The following WDR41 variants were observed in gnomAD, a reference collection of about 807,000 sequenced individuals.
WDR41 encodes WD repeat-containing protein 41.
Under a neutral mutation model 69.3 loss-of-function variants are expected in WDR41, and 63 were observed. The observed-to-expected ratio is 0.91, with a 90% CI of 0.74 to 1.12. WDR41 has a LOEUF of 1.12. Ranked by LOEUF, WDR41 falls within the 50% of genes most tolerant of loss-of-function variation. WDR41 has a pLI of 0.00. For synonymous variants in WDR41, 185 were observed against 192.1 expected, an observed-to-expected ratio of 0.96 and a Z score of 0.31; for missense variants, 543 against 534.5, an observed-to-expected ratio of 1.02 and a Z score of -0.16.
chr5:77,581,500 A>G (rs182163266), intron 1 of WDR41, among the ~76,000 whole-genome samples: 11 of 152,218 alleles, frequency 7.2e-5, no homozygotes, highest in Non-Finnish European at 8.8e-5. Flanking sequence ...CTATAAACCA[A>G]CTACACATAA....
chr5:77,586,721 CTTT>C (rs763627760), intron 1 of WDR41, among the ~76,000 whole-genome samples: 1 of 130,108 alleles, frequency 7.7e-6, no homozygotes, highest in Non-Finnish European at 1.6e-5. Context: ...ATTATCTAAA[CTTT>C]TTTTTTTTTT....
intron 2 of WDR41, among the ~76,000 whole-genome samples, chr5:77,487,336 C>T (rs1280124135): frequency 1.3e-5 from 2 of 152,170 alleles, no homozygotes; most frequent in African/African-American, 4.8e-5. Context: ...TGTCCAAAAT[C>T]TTACCTTTCC....
At position 77,432,343 on chromosome 5, in the gene WDR41, A is replaced by T. The variant is rs1422539431; in HGVS notation, c.*792T>A. On this transcript the variant is annotated 3_prime_UTR_variant, in exon 13 of 13. Transcript: ENST00000296679. ...ATGGACACTGCAAAGAACTACATAA[A>T]AGAAGTCTGTCTCAAGCAGTTCGTA... 2.0e-5 allele frequency: 3 copies of T among 152,392 alleles called. No homozygotes were observed. Among genetic ancestry groups the T allele is most frequent in the Admixed American group, 2.0e-4 (3 of 15,276 alleles). 9.4% of individuals were successfully genotyped at this position (152,392 alleles called of 1,614,324 possible). A position where few individuals can be genotyped will look rare whatever the true frequency, so the allele number is the denominator to read the frequency against.
At chr5:77,565,070 CTCATATCCTAGATGCAG>C (rs1053536246) in intron 1 of WDR41, among the ~76,000 whole-genome samples, 1 of 151,974 alleles carries the variant, frequency 6.6e-6, no homozygotes, top group Non-Finnish European at 1.5e-5. Context: ...CTCAGTACTT[CTCATATCCTAGATGCAG>C]AGCACAATAA....
intron 1 of WDR41, among the ~76,000 whole-genome samples, chr5:77,504,196 A>G (rs1285397006): frequency 6.6e-6 from 1 of 152,198 alleles, no homozygotes; most frequent in African/African-American, 2.4e-5. Flanking sequence ...TAAAGGGGAT[A>G]TCACCACTGA....
At chr5:77,620,556 G>T (rs1341288839) in exon 1 of WDR41, 3 of 455,490 alleles carry the variant, frequency 6.6e-6, no homozygotes, top group African/African-American at 2.0e-5. Context: ...ATACTTCCTG[G>T]TCTGTGTACC....
At chr5:77,588,578 A>G (rs572988228) in intron 1 of WDR41, among the ~76,000 whole-genome samples, 78 of 152,278 alleles carry the variant, frequency 5.1e-4, no homozygotes, top group African/African-American at 1.8e-3. Context: ...TCAATTATCA[A>G]TCTATTTCTG....
chr5:77,609,367 G>A (rs1296906581), intron 1 of WDR41, among the ~76,000 whole-genome samples: 4 of 152,146 alleles, frequency 2.6e-5, no homozygotes, highest in African/African-American at 4.8e-5. Context: ...GTGGGTCCCC[G>A]ACCCCTGACC....
chr5:77,491,189 T>C, intron 1 of WDR41: 2 of 410,218 alleles, frequency 4.9e-6, no homozygotes, highest in East Asian at 9.4e-5. Context: ...AGTGATGACA[T>C]TACCTTGTAA....
rs559250835 is a variant in WDR41, at chr5:77,595,575, C to T, written c.42+24904G>A. The stretch of plus-strand genomic sequence containing the variant: ...TCAGCTTGAGATAAACATTTTGTCC[C>T]GCATTTCCACTATTGTAAGTGGTTA... On this transcript the variant is annotated intron_variant, in intron 1 of 5. Transcript: ENST00000509971. Among the ~76,000 whole-genome samples the T allele has an allele frequency of 2.0e-5, 3 of 150,902 alleles. No individual in the cohort carries two copies. In the Admixed American group the frequency reaches 2.0e-4, roughly 10 times the overall value.
chr5:77,476,083 T>C (rs370041048), intron 2 of WDR41, among the ~76,000 whole-genome samples: 2 of 150,560 alleles, frequency 1.3e-5, no homozygotes, highest in Admixed American at 6.7e-5. Context: ...CGATGGAAGA[T>C]GAAATGAATG....
At chr5:77,478,106 C>T (rs1801037160) in intron 2 of WDR41, among the ~76,000 whole-genome samples, 2 of 152,000 alleles carry the variant, frequency 1.3e-5, no homozygotes, top group African/African-American at 4.8e-5. Flanking sequence ...ACACATACAC[C>T]CTCCCAAGAC....
intron 1 of WDR41, among the ~76,000 whole-genome samples, chr5:77,601,493 T>C (rs934662669): frequency 3.3e-5 from 5 of 152,210 alleles, no homozygotes; most frequent in African/African-American, 1.2e-4. Context: ...ATTTTAAATG[T>C]ATTGTTTATA....
chr5:77,576,355 A>T (rs1485442918), intron 1 of WDR41, among the ~76,000 whole-genome samples: 1 of 151,702 alleles, frequency 6.6e-6, no homozygotes, highest in Non-Finnish European at 1.5e-5. Flanking sequence ...GCTTCCTTTC[A>T]CATTAAGTTC....
intron 8 of WDR41, among the ~76,000 whole-genome samples, chr5:77,448,455 G>C (rs562730527): frequency 5.9e-5 from 9 of 152,252 alleles, no homozygotes; most frequent in African/African-American, 2.2e-4. Context: ...TTTGGAGCTG[G>C]GAGGGACACT....
intron 1 of WDR41, among the ~76,000 whole-genome samples, chr5:77,573,283 A>G (rs949269950): frequency 9.3e-5 from 14 of 150,182 alleles, no homozygotes; most frequent in African/African-American, 3.4e-4. Flanking sequence ...TTTTTTTTTA[A>G]TTTTACTTTA....
At chr5:77,616,640 G>A (rs1383738215) in intron 1 of WDR41, among the ~76,000 whole-genome samples, 2 of 152,098 alleles carry the variant, frequency 1.3e-5, no homozygotes, top group East Asian at 1.9e-4. Context: ...ACTTCAAGTC[G>A]TAGTTTCTCT....
At position 77,542,807 on chromosome 5, in the gene WDR41, G is replaced by C. The variant is rs902441224; in HGVS notation, c.43-53235C>G. Among the ~76,000 whole-genome samples, 26 of 152,212 alleles carry C rather than the reference G, an allele frequency of 1.7e-4. 1 individual carries two copies. ...TCGGATGGACAGAGCAGCATGTGAA[G>C]CTCACATTGTGAATTTTTGCTCCAG... On this transcript the variant is annotated intron_variant, in intron 1 of 5. Transcript: ENST00000509971.
chr5:77,575,652 C>G (rs1216356093), intron 1 of WDR41, among the ~76,000 whole-genome samples: 1 of 152,146 alleles, frequency 6.6e-6, no homozygotes. Flanking sequence ...GTCCGTGATA[C>G]TAATTGTGCA....
Sources: gnomAD v4.1 joint callset for allele counts (sites outside exome capture counted in the v4.1 genomes callset) on GRCh38, gnomAD v4.1.1 for gene constraint, MANE v1.5 for transcripts, NCBI Gene and HGNC (gene_info 2026-07-23, HGNC 2026-07-21) for gene names.